The following NBPF11 variants were observed in gnomAD, a reference collection of about 807,000 sequenced individuals.
The protein encoded by NBPF11 is NBPF family member NBPF11.
NBPF11 carries 72 observed loss-of-function variants against 93.9 expected under a neutral mutation model. That is an observed-to-expected ratio of 0.77 (90% CI 0.63 to 0.93). NBPF11 has a LOEUF of 0.93. Ranked by LOEUF, NBPF11 falls within the 40% of genes least tolerant of loss-of-function variation. The pLI is 0.00. For missense variants in NBPF11, 705 were observed against 802.2 expected (o/e 0.88, Z 1.46); for synonymous variants, 224 against 304.9 (o/e 0.73, Z 2.76).
intron 22 of NBPF11, 64 bp from the exon 23 acceptor site, chr1:148,104,709 C>G (rs1442843772): frequency 1.1e-5 from 4 of 352,790 alleles, no homozygotes; most frequent in Non-Finnish European, 2.0e-5. Flanking sequence ...TAACAATCCA[C>G]TGTCTAATCC....
chr1:148,140,283 T>G (rs1373235903), intron 2 of NBPF11, among the ~76,000 whole-genome samples: 1 of 151,890 alleles, frequency 6.6e-6, no homozygotes, highest in East Asian at 1.9e-4. Flanking sequence ...AAAATAAATC[T>G]TACACGTAAA....
At chr1:148,146,110 G>A (rs1553276762) in intron 1 of NBPF11, among the ~76,000 whole-genome samples, 10 of 151,892 alleles carry the variant, frequency 6.6e-5, no homozygotes, top group Non-Finnish European at 1.0e-4. Flanking sequence ...GCGGGCGGCC[G>A]GGAGCCATGG....
intron 1 of NBPF11, chr1:148,146,574 G>C (rs1478227733): frequency 1.2e-6 from 2 of 1,606,978 alleles, no homozygotes; most frequent in African/African-American, 1.3e-5. Context: ...GAGCCTCCTC[G>C]GGCGCACCCG....
At chr1:148,144,546 C>T (rs1672689995) in intron 1 of NBPF11, among the ~76,000 whole-genome samples, 1 of 151,480 alleles carries the variant, frequency 6.6e-6, no homozygotes, top group Non-Finnish European at 1.5e-5. Flanking sequence ...TCTCTAATTT[C>T]CAGGAGCTTA....
chr1:148,109,164 G>A (rs1664630126), intron 17 of NBPF11, 120 bp downstream of exon 17: 1 of 809,624 alleles, frequency 1.2e-6, no homozygotes, highest in Admixed American at 1.7e-5. Context: ...AATGCAGTAG[G>A]CATAATTCAG....
intron 23 of NBPF11, 64 bp from the exon 24 acceptor site, chr1:148,103,976 G>T (rs1662908007): frequency 1.2e-6 from 2 of 1,609,486 alleles, no homozygotes; most frequent in Admixed American, 1.7e-5. Context: ...AGCCCCACTA[G>T]ATTTCAGAAG....
At chr1:148,108,820 G>C (rs1166272313) in intron 17 of NBPF11, among the ~76,000 whole-genome samples, 166 bp from the exon 18 acceptor site, 1 of 135,824 alleles carries the variant, frequency 7.4e-6, no homozygotes, top group East Asian at 2.3e-4. Context: ...CTAGGGCCAG[G>C]TAGAAAAGGA....
intron 20 of NBPF11, among the ~76,000 whole-genome samples, chr1:148,106,567 C>T (rs1663674594): frequency 7.1e-6 from 1 of 139,946 alleles, no homozygotes; most frequent in South Asian, 2.2e-4. Flanking sequence ...AGCCCTGTCT[C>T]ATCAAATGCC....
intron 1 of NBPF11, among the ~76,000 whole-genome samples, chr1:148,147,533 G>A (rs1673376088): frequency 6.6e-6 from 1 of 152,024 alleles, no homozygotes; most frequent in African/African-American, 2.4e-5. Context: ...CCGGGCCAGT[G>A]CTGCTTTGGA....
Position 148,111,421 on chromosome 1 carries a change from T to G in NBPF11, c.1638-880A>C, listed in dbSNP as rs1318151002. 2.6e-5 allele frequency among the ~76,000 whole-genome samples: 4 copies of G among 152,078 alleles called. No individual in the cohort carries two copies. The South Asian group carries it at 6.2e-4, about 24-fold the overall frequency. On this transcript the variant is annotated intron_variant, in intron 15 of 23. Transcript: ENST00000682118. ...AATGACTTTGACGAGCTGACAGAAG[T>G]AGGCTTCAGAAAGTCGGTAATAACA...
chr1:148,121,322 T>C (rs1667772798), intron 9 of NBPF11, among the ~76,000 whole-genome samples: 1 of 151,098 alleles, frequency 6.6e-6, no homozygotes, highest in Non-Finnish European at 1.5e-5. Flanking sequence ...GGGATTAAGA[T>C]GTGAGCCAGC....
At chr1:148,151,044 A>G (rs1457012740) in intron 1 of NBPF11, among the ~76,000 whole-genome samples, 1 of 151,820 alleles carries the variant, frequency 6.6e-6, no homozygotes, top group Non-Finnish European at 1.5e-5. Context: ...AAGCGAGGAA[A>G]CCATTCCTCG....
chr1:148,125,184 A>C (rs1553272783), intron 5 of NBPF11, among the ~76,000 whole-genome samples, 183 bp from the exon 6 acceptor site: 1 of 151,984 alleles, frequency 6.6e-6, no homozygotes. Flanking sequence ...ATCCTCCAAA[A>C]TTTAAAGACG....
chr1:148,146,164 C>CCACGG (rs1321005143), intron 1 of NBPF11, among the ~76,000 whole-genome samples: 37 of 151,770 alleles, frequency 2.4e-4, no homozygotes, highest in Non-Finnish European at 3.7e-4. Flanking sequence ...GGTGGGCTTC[C>CCACGG]CACGGCACGA....
intron 8 of NBPF11, 94 bp downstream of exon 8, chr1:148,122,635 G>A (rs1478592328): frequency 1.3e-6 from 2 of 1,551,662 alleles, no homozygotes; most frequent in African/African-American, 2.7e-5. Context: ...GGGAATGCGG[G>A]CTTTTGGCCC....
At chr1:148,136,836 T>A (rs1671369181) in intron 3 of NBPF11, among the ~76,000 whole-genome samples, 1 of 151,996 alleles carries the variant, frequency 6.6e-6, no homozygotes, top group South Asian at 2.1e-4. Flanking sequence ...CTGCACTTAA[T>A]GGACACTCTC....
At chr1:148,107,366 T>A (rs1252316424) in intron 19 of NBPF11, among the ~76,000 whole-genome samples, 2 of 150,472 alleles carry the variant, frequency 1.3e-5, no homozygotes, top group Non-Finnish European at 3.0e-5. Flanking sequence ...GGTGACACAC[T>A]GATGAAGGGG....
chr1:148,122,455 A>C (rs1668091492), intron 8 of NBPF11, among the ~76,000 whole-genome samples, 189 bp from the exon 9 acceptor site: 2 of 152,116 alleles, frequency 1.3e-5, no homozygotes, highest in Admixed American at 6.5e-5. Context: ...TGGGAGCCAG[A>C]GAGGAAGAGA....
intron 2 of NBPF11, among the ~76,000 whole-genome samples, chr1:148,143,072 A>G (rs1464683515): frequency 6.8e-5 from 10 of 147,278 alleles, no homozygotes; most frequent in Admixed American, 2.0e-4. Flanking sequence ...GAAAGAGGAC[A>G]GCAGGGTGGA....
Sources: gnomAD v4.1 joint callset for allele counts (sites outside exome capture counted in the v4.1 genomes callset) on GRCh38, gnomAD v4.1.1 for gene constraint, MANE v1.5 for transcripts, NCBI Gene and HGNC (gene_info 2026-07-23, HGNC 2026-07-21) for gene names.